NRXN1: variants seen among roughly 807,000 people sequenced by gnomAD.
The protein encoded by NRXN1 is neurexin 1.
Under a neutral mutation model 150.9 loss-of-function variants are expected in NRXN1, and 39 were observed. The observed-to-expected ratio is 0.26, with a 90% CI of 0.20 to 0.34. The LOEUF (loss-of-function observed/expected upper bound fraction) is 0.34. Among genes scored for constraint, NRXN1 ranks in the 10% least tolerant of loss-of-function variants. NRXN1 has a pLI of 1.00. For synonymous variants in NRXN1, 924 were observed against 757.0 expected, an observed-to-expected ratio of 1.22 and a Z score of -3.62; for missense variants, 1,815 against 1,949.9, an observed-to-expected ratio of 0.93 and a Z score of 1.30.
At chr2:50,325,077 A>T (rs1368363388) in intron 17 of NRXN1, among the ~76,000 whole-genome samples, 2 of 152,208 alleles carry the variant, frequency 1.3e-5, no homozygotes, top group African/African-American at 4.8e-5. Flanking sequence ...CAAGAAGAGA[A>T]AACAGACAGA....
At chr2:50,253,057 T>A (rs1408935351) in intron 17 of NRXN1, among the ~76,000 whole-genome samples, 1 of 152,204 alleles carries the variant, frequency 6.6e-6, no homozygotes, top group Non-Finnish European at 1.5e-5. Context: ...GGAATGCTTT[T>A]TCATTTGTTT....
chr2:50,015,621 G>A (rs1467870070), intron 21 of NRXN1, among the ~76,000 whole-genome samples: 2 of 151,160 alleles, frequency 1.3e-5, no homozygotes, highest in Admixed American at 6.6e-5. Flanking sequence ...ATTATGACAG[G>A]TCCTTTTCAA....
At chr2:50,925,139 A>T (rs1025397542) in intron 3 of NRXN1, among the ~76,000 whole-genome samples, 8 of 151,840 alleles carry the variant, frequency 5.3e-5, no homozygotes, top group African/African-American at 1.9e-4. Context: ...CCCTTTCACC[A>T]TTCTTTTGTT....
intron 5 of NRXN1, among the ~76,000 whole-genome samples, chr2:50,885,526 T>A (rs1215818612): frequency 6.6e-6 from 1 of 151,312 alleles, no homozygotes; most frequent in African/African-American, 2.4e-5. Context: ...GATATCCCCA[T>A]AATGACAACT....
intron 17 of NRXN1, among the ~76,000 whole-genome samples, chr2:50,425,788 T>C (rs2084428669): frequency 6.6e-6 from 1 of 152,150 alleles, no homozygotes; most frequent in Non-Finnish European, 1.5e-5. Flanking sequence ...CATGTCGTCA[T>C]AGGTTACCCC....
chr2:50,930,969 A>T (rs915513039), intron 2 of NRXN1, among the ~76,000 whole-genome samples: 2 of 152,148 alleles, frequency 1.3e-5, no homozygotes, highest in African/African-American at 4.8e-5. Flanking sequence ...GACTGAGGTT[A>T]AGAGAGTGAA....
At chr2:50,274,376 C>T (rs2070138840) in intron 17 of NRXN1, among the ~76,000 whole-genome samples, 1 of 152,092 alleles carries the variant, frequency 6.6e-6, no homozygotes, top group South Asian at 2.1e-4. Context: ...AGGGGAACAT[C>T]ATCCACCAGG....
chr2:50,783,784 G>T (rs1704683568), intron 5 of NRXN1, among the ~76,000 whole-genome samples: 5 of 152,152 alleles, frequency 3.3e-5, no homozygotes, highest in Middle Eastern at 3.4e-3. Context: ...CTGAACCACT[G>T]GTCCCCCAAA....
intron 5 of NRXN1, among the ~76,000 whole-genome samples, chr2:50,853,058 T>C (rs565388162): frequency 5.9e-5 from 9 of 152,306 alleles, no homozygotes; most frequent in East Asian, 1.9e-4. Flanking sequence ...GTGTCCACTA[T>C]TGAAGACCAC....
At chr2:50,841,174 C>T (rs1672814533) in intron 5 of NRXN1, 1 of 152,530 alleles carries the variant, frequency 6.6e-6, no homozygotes, top group Non-Finnish European at 1.5e-5. Flanking sequence ...TAAATGTGGA[C>T]TTCTATACAA....
At chr2:50,334,104 C>A (rs561524651) in intron 17 of NRXN1, among the ~76,000 whole-genome samples, 6 of 151,064 alleles carry the variant, frequency 4.0e-5, no homozygotes, top group African/African-American at 7.4e-5. Context: ...CAACTCCCAG[C>A]CAATGTCTAG....
intron 5 of NRXN1, among the ~76,000 whole-genome samples, chr2:50,693,785 T>C (rs1692406642): frequency 1.3e-5 from 2 of 152,126 alleles, no homozygotes; most frequent in South Asian, 4.1e-4. Context: ...ATTTAATTAA[T>C]TAATTAATTT....
At chr2:50,518,616 A>G (rs192179175) in intron 12 of NRXN1, among the ~76,000 whole-genome samples, 2 of 150,166 alleles carry the variant, frequency 1.3e-5, no homozygotes, top group East Asian at 3.9e-4. Context: ...CTGATATTCC[A>G]TAAACGAAGC....
At position 50,620,137 on chromosome 2, in the gene NRXN1, T is replaced by C; in HGVS notation, c.1205A>G (p.Gln402Arg). 6.2e-7 allele frequency: 1 copy of C among 1,613,574 alleles called. No individual in the cohort carries two copies. Among genetic ancestry groups the C allele is most frequent in the Non-Finnish European group, 8.5e-7 (1 of 1,179,664 alleles). ...DGILTTTGYT[Q>R]EDYTMLGSDD... is the part of the protein sequence containing the mutation. ...AGACCCCAGCATGGTATAATCTTCT[T>C]GCGTGTAGCCCGTTGTGGTAAGAAT... is the stretch of plus-strand genomic sequence containing the variant. The change falls in exon 8 of 23, where the codon CAA becomes CGA. Residue 402 changes from glutamine to arginine, a missense_variant. Coordinates refer to ENST00000401669, the MANE Select transcript of NRXN1 (RefSeq NM_001330078.2).
intron 5 of NRXN1, among the ~76,000 whole-genome samples, chr2:50,859,359 G>T (rs1394135457): frequency 6.6e-6 from 1 of 151,936 alleles, no homozygotes; most frequent in Non-Finnish European, 1.5e-5. Context: ...AGAGAGAAAA[G>T]GGAAAATATT....
In NRXN1 at chr2:50,779,671, G is replaced by T. The variant is rs190132077; in HGVS notation, c.832+142198C>A. 8.6e-3 allele frequency among the ~76,000 whole-genome samples: 1,308 copies of T among 152,240 alleles called. 8 individuals carry two copies. The highest frequency in any genetic ancestry group is 0.012 in the Non-Finnish European group (823 of 68,028). ...TAGTCCCAGCTACTTGGGAGGCTGAGGCAGGAGAATGGCGTGAACCTGGGA... is the reference window on the plus strand; with the variant it reads ...TAGTCCCAGCTACTTGGGAGGCTGATGCAGGAGAATGGCGTGAACCTGGGA... On this transcript the variant is annotated intron_variant, in intron 5 of 22. Coordinates refer to ENST00000401669, the MANE Select transcript of NRXN1 (RefSeq NM_001330078.2).
At chr2:50,365,509 T>C (rs1487344957) in intron 17 of NRXN1, among the ~76,000 whole-genome samples, 2 of 152,108 alleles carry the variant, frequency 1.3e-5, no homozygotes, top group Admixed American at 6.6e-5. Flanking sequence ...AAATTTTCTA[T>C]AGTGAATTAC....
chr2:50,861,436 T>C (rs1217551997), intron 5 of NRXN1, among the ~76,000 whole-genome samples: 1 of 152,120 alleles, frequency 6.6e-6, no homozygotes, highest in Non-Finnish European at 1.5e-5. Flanking sequence ...GAATTCAAAT[T>C]GGTCAAGGAT....
chr2:50,091,518 G>A (rs1292978527), intron 18 of NRXN1, 24 bp from the exon 19 acceptor site: 2 of 1,612,558 alleles, frequency 1.2e-6, no homozygotes, highest in East Asian at 2.2e-5. Flanking sequence ...GGGGAAAAAA[G>A]AGTTGAATTA....
Sources: gnomAD v4.1 joint callset for allele counts (sites outside exome capture counted in the v4.1 genomes callset) on GRCh38, gnomAD v4.1.1 for gene constraint, MANE v1.5 for transcripts, NCBI Gene and HGNC (gene_info 2026-07-23, HGNC 2026-07-21) for gene names.